ROR2: variants seen among roughly 807,000 people sequenced by gnomAD.
ROR2 encodes ROR family WNT receptor 2, also known as tyrosine-protein kinase transmembrane receptor ROR2.
ROR2 carries 33 observed loss-of-function variants against 74.9 expected under a neutral mutation model. That is an observed-to-expected ratio of 0.44 (90% CI 0.33 to 0.59). ROR2 has a LOEUF of 0.59. Ranked by LOEUF, ROR2 falls within the 20% of genes least tolerant of loss-of-function variation. The pLI, the probability that ROR2 is intolerant of heterozygous loss-of-function variation, is 0.02. For missense variants in ROR2, 1,216 were observed against 1,313.8 expected, an observed-to-expected ratio of 0.93 and a Z score of 1.15; for synonymous variants, 586 against 558.7, an observed-to-expected ratio of 1.05 and a Z score of -0.69.
In ROR2 at chr9:91,950,104, G is replaced by A; in HGVS notation, c.-141C>T. On this transcript the variant is annotated 5_prime_UTR_variant, in exon 1 of 9. The change creates a new upstream start codon in the 5' untranslated region. Transcript: ENST00000375708. ...ACGGGTCCACTTCGAGGACCTCGTC[G>A]TCGTCCTCTTCTCCGGCCCGGATGC... is the stretch of plus-strand genomic sequence containing the variant. 3 of 440,578 alleles carry A rather than the reference G, an allele frequency of 6.8e-6. No homozygotes were observed. The highest frequency in any genetic ancestry group is 1.2e-5 in the Non-Finnish European group (3 of 255,806). 27.3% of individuals were successfully genotyped at this position (440,578 alleles called of 1,614,324 possible).
intron 1 of ROR2, among the ~76,000 whole-genome samples, chr9:91,783,830 T>A (rs1189986653): frequency 6.6e-6 from 1 of 152,110 alleles, no homozygotes; most frequent in Non-Finnish European, 1.5e-5. Context: ...TCCACGCACA[T>A]CGTGCTCACA....
chr9:91,823,909 G>A (rs543152745), intron 1 of ROR2, among the ~76,000 whole-genome samples: 3 of 152,238 alleles, frequency 2.0e-5, no homozygotes, highest in South Asian at 2.1e-4. Flanking sequence ...AATCTCTGCC[G>A]GATTCACCAG....
chr9:91,724,244 GC>G lies in ROR2; in HGVS notation c.2249del (p.Gly750AlafsTer24), dbSNP rs863223289. On this transcript the variant is annotated frameshift_variant, in exon 9 of 9. Transcript: ENST00000375708. LOFTEE classifies it high-confidence loss of function. ...KDIHSRLRAW[G>X]NLSNYNSSAQ... ...CCGAGCTGTTGTAGTTGGAAAGGTT[GC>G]CCCAGGCTCGGAGCCGGCTGTGGAT... The G allele has an allele frequency of 6.2e-7, 1 of 1,613,578 alleles. No homozygotes were observed.
intron 4 of ROR2, among the ~76,000 whole-genome samples, chr9:91,753,230 GAC>G (rs951659744): frequency 6.6e-6 from 1 of 152,060 alleles, no homozygotes; most frequent in Non-Finnish European, 1.5e-5. Flanking sequence ...CAAGAAATAA[GAC>G]ATAAAGAATT....
chr9:91,726,516 G>C, intron 8 of ROR2, 25 bp downstream of exon 8: 1 of 1,607,106 alleles, frequency 6.2e-7, no homozygotes, highest in Admixed American at 1.7e-5. Flanking sequence ...GAGCCACCCG[G>C]GTAGAAAATG....
At chr9:91,808,549 G>A (rs898424294) in intron 1 of ROR2, among the ~76,000 whole-genome samples, 3 of 152,056 alleles carry the variant, frequency 2.0e-5, no homozygotes, top group African/African-American at 4.8e-5. Flanking sequence ...ACTTGAACCC[G>A]GAAGGTGGAG....
At chr9:91,777,573 A>G (rs567502510) in intron 1 of ROR2, among the ~76,000 whole-genome samples, 2 of 152,264 alleles carry the variant, frequency 1.3e-5, no homozygotes, top group Admixed American at 6.5e-5. Context: ...TCACCATTTT[A>G]AAGTGTGCAA....
intron 1 of ROR2, among the ~76,000 whole-genome samples, chr9:91,788,860 CA>C (rs60152648): frequency 0.25 from 22,110 of 86,858 alleles, 1,528 homozygotes; most frequent in South Asian, 0.45. Context: ...GACTCTGTCT[CA>C]AAAAAAAAAA....
At chr9:91,808,287 G>T (rs1587738625) in intron 1 of ROR2, among the ~76,000 whole-genome samples, 1 of 152,194 alleles carries the variant, frequency 6.6e-6, no homozygotes, top group African/African-American at 2.4e-5. Context: ...GAATGTGGTT[G>T]ATGTGAGAAA....
intron 1 of ROR2, among the ~76,000 whole-genome samples, chr9:91,907,296 G>GAC (rs770575688): frequency 2.0e-5 from 3 of 152,016 alleles, no homozygotes; most frequent in Admixed American, 6.5e-5. Context: ...TAACAGGCAG[G>GAC]ACAGTGCTGA....
At position 91,922,112 on chromosome 9, in the gene ROR2, CAACAACAACAACA is replaced by C. The variant is rs760170852; in HGVS notation, c.97+27742_97+27754del. 6.9e-4 allele frequency among the ~76,000 whole-genome samples: 104 copies of C among 151,084 alleles called. 1 individual carries two copies. The East Asian group carries it at 0.011, about 15-fold the overall frequency. On this transcript the variant is annotated intron_variant, in intron 1 of 8. Transcript: ENST00000375708. ...AACCAAACAACAGCAACAACAACAA[CAACAACAACAACA>C]AACAACAACAACAAAAACAGAAAAC... is the stretch of plus-strand genomic sequence containing the variant.
At chr9:91,813,882 A>G (rs1563977732) in intron 1 of ROR2, among the ~76,000 whole-genome samples, 1 of 152,236 alleles carries the variant, frequency 6.6e-6, no homozygotes, top group Non-Finnish European at 1.5e-5. Flanking sequence ...GAAATGAGCA[A>G]AACTCACTCA....
intron 1 of ROR2, among the ~76,000 whole-genome samples, chr9:91,882,793 G>A (rs947209595): frequency 6.6e-6 from 1 of 152,128 alleles, no homozygotes; most frequent in Non-Finnish European, 1.5e-5. Context: ...GTGCCCACGT[G>A]AAAACAGAGG....
chr9:91,934,376 G>A (rs897500953), intron 1 of ROR2, among the ~76,000 whole-genome samples: 8 of 152,128 alleles, frequency 5.3e-5, no homozygotes, highest in South Asian at 2.1e-4. Context: ...CAGAAAATAC[G>A]TAGCATTGTT....
intron 1 of ROR2, among the ~76,000 whole-genome samples, chr9:91,859,157 G>A (rs1277567429): frequency 6.6e-6 from 1 of 151,240 alleles, no homozygotes; most frequent in Non-Finnish European, 1.5e-5. Context: ...AGGCCAGGAT[G>A]GAACTCATTC....
intron 1 of ROR2, among the ~76,000 whole-genome samples, chr9:91,869,849 T>C (rs1469828884): frequency 6.6e-6 from 1 of 152,204 alleles, no homozygotes; most frequent in East Asian, 1.9e-4. Context: ...CCTCAGGAAC[T>C]TTTTTAAGAA....
intron 1 of ROR2, among the ~76,000 whole-genome samples, chr9:91,829,549 CAAAAAAAAAA>C (rs34687056): frequency 4.9e-5 from 2 of 40,510 alleles, no homozygotes; most frequent in East Asian, 6.8e-4. Flanking sequence ...GACTCCGTCT[CAAAAAAAAAA>C]AAAAAAAAAA....
chr9:91,840,188 C>T (rs774703098), intron 1 of ROR2, among the ~76,000 whole-genome samples: 7 of 152,136 alleles, frequency 4.6e-5, no homozygotes, highest in Non-Finnish European at 7.4e-5. Context: ...GGAATCAGAG[C>T]GGAGGGACCC....
intron 8 of ROR2, 24 bp from the exon 9 acceptor site, chr9:91,725,131 T>A: frequency 6.2e-7 from 1 of 1,612,156 alleles, no homozygotes; most frequent in South Asian, 1.1e-5. Flanking sequence ...AAGCCCCACG[T>A]GAAACATCAC....
Sources: allele counts gnomAD v4.1 joint callset (sites outside exome capture counted in the v4.1 genomes callset), GRCh38; gene constraint gnomAD v4.1.1; transcripts MANE v1.5; gene names NCBI Gene and HGNC (gene_info 2026-07-23, HGNC 2026-07-21).